VPS13C: variants seen among roughly 807,000 people sequenced by gnomAD.
VPS13C encodes intermembrane lipid transfer protein VPS13C.
In VPS13C, 358 loss-of-function variants were observed where a neutral mutation model predicts 456.8. That is an observed-to-expected ratio of 0.78 (90% CI 0.72 to 0.86). The LOEUF (loss-of-function observed/expected upper bound fraction) is 0.86. Among genes scored for constraint, VPS13C ranks in the 40% least tolerant of loss-of-function variants. The probability of loss-of-function intolerance (pLI) is 0.00; values close to 1 mark genes in which losing one functional copy is unlikely to be tolerated. For synonymous variants in VPS13C, 1,578 were observed against 1,486.7 expected (o/e 1.06, Z -1.41); for missense variants, 4,818 against 4,385.4 (o/e 1.10, Z -2.79).
chr15:61,994,354 A>T (rs1417357543), intron 16 of VPS13C, among the ~76,000 whole-genome samples: 2 of 152,196 alleles, frequency 1.3e-5, no homozygotes, highest in East Asian at 3.9e-4. Context: ...TCCTCCGGTG[A>T]TTCATTCCTC....
chr15:61,904,639 G>A (rs1172374391), intron 66 of VPS13C, among the ~76,000 whole-genome samples: 2 of 151,890 alleles, frequency 1.3e-5, no homozygotes, highest in African/African-American at 4.8e-5. Flanking sequence ...TCCGCTGCTT[G>A]GTATATATCC....
rs2043831682 is a variant in VPS13C at position 61,925,920 on chromosome 15, T to C, written c.6517-372A>G. Among the ~76,000 whole-genome samples, 3 of 152,322 alleles carry C rather than the reference T, an allele frequency of 2.0e-5. No homozygotes were observed. The South Asian group carries it at 6.2e-4, about 32-fold the overall frequency. On this transcript the variant is annotated intron_variant, in intron 52 of 84. Coordinates refer to ENST00000644861, the MANE Select transcript of VPS13C (RefSeq NM_020821.3). ...GAGCTAAAGACTGTGGTAAGGTAGG[T>C]AAGTAAACAGTTTCCCGATGCTTGA...
At chr15:61,896,868 G>C (rs2042836882) in intron 66 of VPS13C, among the ~76,000 whole-genome samples, 3 of 152,188 alleles carry the variant, frequency 2.0e-5, no homozygotes, top group Non-Finnish European at 4.4e-5. Context: ...CAGCTTTGAA[G>C]AGAGCAGTGG....
At chr15:62,036,847 C>G (rs933548264) in intron 3 of VPS13C, among the ~76,000 whole-genome samples, 1 of 151,512 alleles carries the variant, frequency 6.6e-6, no homozygotes, top group African/African-American at 2.4e-5. Context: ...TTTAAGAAAA[C>G]GGGTAACTCA....
chr15:61,855,118 C>T (rs1346064748), intron 83 of VPS13C, among the ~76,000 whole-genome samples, 164 bp from the exon 84 acceptor site: 2 of 152,120 alleles, frequency 1.3e-5, no homozygotes. Flanking sequence ...GGAACAAGGA[C>T]GGTATTTCCA....
chr15:61,999,182 C>T (rs1025083714), intron 16 of VPS13C, among the ~76,000 whole-genome samples: 3 of 152,114 alleles, frequency 2.0e-5, no homozygotes, highest in Non-Finnish European at 4.4e-5. Context: ...AGTTCGAGAC[C>T]AGCCTGGCCA....
Position 61,875,854 on chromosome 15 carries a change from G to T in VPS13C, c.10225-9C>A. The T allele has an allele frequency of 6.6e-7, 1 of 1,525,082 alleles. No individual in the cohort carries two copies. Among genetic ancestry groups the T allele is most frequent in the Non-Finnish European group, 8.8e-7 (1 of 1,135,132 alleles). The allele number at this position is 1,525,082 out of a possible 1,614,324, so 94.5% of individuals were successfully genotyped here. ...TACATCTGTTTCAAGAACTAAAAAA[G>T]AAAAAAAATTAAATTAAGTCCTTCA... On this transcript the variant is annotated splice_polypyrimidine_tract_variant and intron_variant, in intron 75 of 84. Transcript: ENST00000644861.
chr15:61,895,858 C>T (rs891958541), intron 66 of VPS13C, among the ~76,000 whole-genome samples: 17 of 152,114 alleles, frequency 1.1e-4, no homozygotes, highest in African/African-American at 3.6e-4. Context: ...TACAAAATTA[C>T]AGCAAGATAG....
At chr15:62,060,030 G>A (rs575153287) in intron 1 of VPS13C, among the ~76,000 whole-genome samples, 2 of 152,224 alleles carry the variant, frequency 1.3e-5, no homozygotes, top group Non-Finnish European at 2.9e-5. Context: ...GCTTGGCCTC[G>A]GGGGACGAGA....
chr15:61,952,150 T>A, intron 38 of VPS13C, among the ~76,000 whole-genome samples, 170 bp from the exon 39 acceptor site: 1 of 152,216 alleles, frequency 6.6e-6, no homozygotes, highest in South Asian at 2.1e-4. Context: ...ACTCCTAGTC[T>A]GATGGACAGC....
At chr15:62,029,601 T>C (rs2047744717) in intron 5 of VPS13C, among the ~76,000 whole-genome samples, 2 of 152,252 alleles carry the variant, frequency 1.3e-5, no homozygotes, top group Non-Finnish European at 2.9e-5. Context: ...TGTACCTCTT[T>C]GATGGGACTC....
intron 31 of VPS13C, among the ~76,000 whole-genome samples, chr15:61,964,448 ATCT>A (rs764443931): frequency 2.6e-5 from 4 of 152,040 alleles, no homozygotes; most frequent in Non-Finnish European, 5.9e-5. Context: ...ATAAATACAG[ATCT>A]TCTCCCCCTA....
At chr15:61,864,608 C>T (rs1894414816) in intron 81 of VPS13C, 1 of 982,794 alleles carries the variant, frequency 1.0e-6, no homozygotes, top group Non-Finnish European at 1.2e-6. Context: ...TATTTCAATG[C>T]TTAAATATAC....
chr15:61,864,975 T>C, intron 81 of VPS13C: 1 of 984,068 alleles, frequency 1.0e-6, no homozygotes, highest in Non-Finnish European at 1.2e-6. Flanking sequence ...TATTAGGCTA[T>C]TGTGCTTCAA....
At chr15:62,022,768 C>T (rs925916222) in intron 8 of VPS13C, among the ~76,000 whole-genome samples, 3 of 151,768 alleles carry the variant, frequency 2.0e-5, no homozygotes, top group Admixed American at 1.3e-4. Context: ...CCTAGATAAA[C>T]GAAAAAATTC....
At position 62,013,972 on chromosome 15, in the gene VPS13C, A is replaced by G. The variant is rs769031906; in HGVS notation, c.705T>C (p.Thr235=). The G allele has an allele frequency of 6.2e-7, 1 of 1,610,762 alleles. No homozygotes were observed. Among genetic ancestry groups the G allele is most frequent in the Admixed American group, 1.7e-5 (1 of 59,634 alleles). Residue 235 remains threonine (T), a synonymous_variant, in exon 10 of 85, where the codon ACT becomes ACC. Transcript: ENST00000644861. Reference sequence around the variant, plus strand: ...TGTCTGCTTCATTTAATATGCATGGAGTCCAGTGTTCATTTGCAGTCTAAA... The same window carrying G: ...TGTCTGCTTCATTTAATATGCATGGGGTCCAGTGTTCATTTGCAGTCTAAA... ...LSLLTANEHW[T]PCILNEADKI...
At chr15:61,856,755 A>G (rs975121125) in intron 82 of VPS13C, 10 of 199,480 alleles carry the variant, frequency 5.0e-5, no homozygotes, top group Middle Eastern at 2.1e-3. Context: ...TTTGGAACAC[A>G]TAAGAAACAG....
intron 73 of VPS13C, 70 bp from the exon 74 acceptor site, chr15:61,878,816 G>T: frequency 6.8e-7 from 1 of 1,472,374 alleles, no homozygotes; most frequent in Non-Finnish European, 9.0e-7. Context: ...GATCCAGGTA[G>T]TCCAGAAACA....
At chr15:61,877,085 T>C (rs1483189341) in intron 74 of VPS13C, 31 bp from the exon 75 acceptor site, 3 of 1,515,512 alleles carry the variant, frequency 2.0e-6, no homozygotes, top group Admixed American at 1.9e-5. Flanking sequence ...GATTCAAAGA[T>C]ACTAATATTA....
Sources: allele counts gnomAD v4.1 joint callset (sites outside exome capture counted in the v4.1 genomes callset), GRCh38; gene constraint gnomAD v4.1.1; transcripts MANE v1.5; gene names NCBI Gene and HGNC (gene_info 2026-07-23, HGNC 2026-07-21).